MAP3K6: variants seen among roughly 807,000 people sequenced by gnomAD.
The protein encoded by MAP3K6 is apoptosis signal-regulating kinase 2.
In MAP3K6, 105 loss-of-function variants were observed where a neutral mutation model predicts 147.1. The observed-to-expected ratio is 0.71, with a 90% CI of 0.61 to 0.84. The LOEUF is 0.84. Ranked by LOEUF, MAP3K6 falls within the 40% of genes least tolerant of loss-of-function variation. The probability of loss-of-function intolerance (pLI) is 0.00; values close to 1 mark genes in which losing one functional copy is unlikely to be tolerated. For missense variants in MAP3K6, 1,569 were observed against 1,715.0 expected (o/e 0.91, Z 1.50); for synonymous variants, 695 against 732.4 (o/e 0.95, Z 0.82).
chr1:27,355,403 G>C lies in MAP3K6; in HGVS notation c.3855C>G (p.Thr1285=), dbSNP rs779767545. The change falls in exon 29 of 29, where the codon ACC becomes ACG. Residue 1285 remains threonine, a synonymous_variant. Coordinates refer to ENST00000357582, the MANE Select transcript of MAP3K6 (RefSeq NM_004672.5). ...LAQRAGSTPV[T]SGP ...CCTCATTCAGCTCTCAGGGTCCAGA[G>C]GTGACTGGTGTGGATCCTGCTCGCT... 1.9e-6 allele frequency: 3 copies of C among 1,614,098 alleles called. No individual in the cohort carries two copies. Among genetic ancestry groups the C allele is most frequent in the Non-Finnish European group, 2.5e-6 (3 of 1,179,958 alleles).
At position 27,361,863 on chromosome 1, in the gene MAP3K6, G is replaced by A; in HGVS notation, c.1420C>T (p.Leu474=). Residue 474 remains leucine, a synonymous_variant, in exon 10 of 29, where the codon CTG becomes TTG. Transcript: ENST00000357582. ...AGGAAGGTCTCCATCACGGACACCA[G>A]GTACCTGCATGCAAAGCCACATCCT... The part of the protein sequence containing the change: ...LYKLNAPIWY[L]VSVMETFLLY... The A allele has an allele frequency of 6.5e-7, 1 of 1,546,730 alleles. No homozygotes were observed. Among genetic ancestry groups the A allele is most frequent in the South Asian group, 1.2e-5 (1 of 81,736 alleles).
rs777359370 is a variant in MAP3K6, at chr1:27,364,664, GTTC to G, written c.498_500del (p.Lys166del). 1.9e-6 allele frequency: 3 copies of G among 1,614,134 alleles called. No homozygotes were observed. Among genetic ancestry groups the G allele is most frequent in the Non-Finnish European group, 2.5e-6 (3 of 1,180,006 alleles). ...GTGAGAGGTGGATTCTGCTCACCGA[GTTC>G]TTCTGGAAAACATCCTCCTGCAGGA... On this transcript the variant is annotated inframe_deletion, in exon 3 of 29. Transcript: ENST00000357582. This position sits in a 1 kb window ranked among gnomAD's most constrained non-coding sequence, Gnocchi z 4.4.
In MAP3K6 at chr1:27,366,368, T is replaced by C; in HGVS notation, c.230A>G (p.Glu77Gly). Reference protein sequence around the residue: ...AEPLPLRCLREACAQVPRPRP... With the variant: ...AEPLPLRCLRGACAQVPRPRP... ...CGGCCGGGGGACCTGCGCGCAAGCC[T>C]CGCGCAGGCAGCGCAGGGGCAGCGG... The change falls in exon 1 of 29, where the codon GAG (glutamate) becomes GGG (glycine). Residue 77 changes from glutamate (E) to glycine (G), a missense_variant. Transcript: ENST00000357582. This position sits in a 1 kb window ranked among gnomAD's most constrained non-coding sequence, Gnocchi z 5.5. 1 of 1,270,058 alleles carries C rather than the reference T, an allele frequency of 7.9e-7. No individual in the cohort carries two copies. Among genetic ancestry groups the C allele is most frequent in the Non-Finnish European group, 9.9e-7 (1 of 1,009,002 alleles). 78.7% of individuals were successfully genotyped at this position (1,270,058 alleles called of 1,614,324 possible).
At position 27,357,439 on chromosome 1, in the gene MAP3K6, A is replaced by T; in HGVS notation, c.3219T>A (p.Pro1073=). The T allele has an allele frequency of 6.2e-7, 1 of 1,612,470 alleles. No individual in the cohort carries two copies. The highest frequency in any genetic ancestry group is 8.5e-7 in the Non-Finnish European group (1 of 1,179,106). Residue 1073 remains proline, a synonymous_variant, in exon 23 of 29, where the codon CCT becomes CCA. Coordinates refer to ENST00000357582, the MANE Select transcript of MAP3K6 (RefSeq NM_004672.5). ...CAAACAGCGGTCTGTGCAGAAGCGC[A>T]GGCCCAAGGCCCTGGGCCCTCAGCC... The part of the protein sequence containing the change: ...QGRLRAQGLG[P]ALLHRPLFAF...
Position 27,364,922 on chromosome 1 carries a change from C to T in MAP3K6, c.341-10G>A, listed in dbSNP as rs202164328. Reference sequence around the variant, plus strand: ...TCCAGCACCACCACATCTGCAGGCACAGAGGGGGTGGCGCTGATCCCTGAA... The same window carrying T: ...TCCAGCACCACCACATCTGCAGGCATAGAGGGGGTGGCGCTGATCCCTGAA... On this transcript the variant is annotated splice_polypyrimidine_tract_variant and intron_variant, in intron 1 of 28. Coordinates refer to ENST00000357582, the MANE Select transcript of MAP3K6 (RefSeq NM_004672.5). The surrounding 1 kb of genome is among the most constrained non-coding windows in gnomAD (Gnocchi z 4.4). The T allele has an allele frequency of 1.9e-6, 3 of 1,576,008 alleles. No individual in the cohort carries two copies. The African/African-American group carries it at 4.0e-5, about 21-fold the overall frequency.
Position 27,359,242 on chromosome 1 carries a change from C to G in MAP3K6, c.2425+175G>C, listed in dbSNP as rs760409222. ...GCTAAAGTCAATTTCATCACTTCTC[C>G]AAGCTCCAGTTCCAGATGCCACCAC... On this transcript the variant is annotated intron_variant, in intron 18 of 28. Transcript: ENST00000357582. The surrounding 1 kb of genome is among the most constrained non-coding windows in gnomAD (Gnocchi z 4.4). Among the ~76,000 whole-genome samples, 1 of 152,176 alleles carries G rather than the reference C, an allele frequency of 6.6e-6. No individual in the cohort carries two copies. The highest frequency in any genetic ancestry group is 1.5e-5 in the Non-Finnish European group (1 of 68,030).
chr1:27,363,903 T>C lies in MAP3K6; in HGVS notation c.864+14A>G. Reference sequence around the variant, plus strand: ...AATGCCAGCTGCCCTACTGCCTCTCTGAACACCACGCACCTGCACATCGCG... The same window carrying C: ...AATGCCAGCTGCCCTACTGCCTCTCCGAACACCACGCACCTGCACATCGCG... On this transcript the variant is annotated intron_variant, in intron 5 of 28. Transcript: ENST00000357582. 6.4e-7 allele frequency: 1 copy of C among 1,562,550 alleles called. No individual in the cohort carries two copies. Among genetic ancestry groups the C allele is most frequent in the South Asian group, 1.1e-5 (1 of 87,068 alleles).
chr1:27,355,572 GTGCCCCTTT>G, intron 28 of MAP3K6, 88 bp downstream of exon 28: 1 of 1,577,424 alleles, frequency 6.3e-7, no homozygotes, highest in Non-Finnish European at 8.7e-7. Context: ...GGGGACCCAG[GTGCCCCTTT>G]GGTTTCCAGG....
rs1030541355 is a variant in MAP3K6 at position 27,360,822 on chromosome 1, G to C, written c.1937C>G (p.Thr646Arg). ...GEMLEFDYEYTETGERLVLGK... is the reference protein window; with the variant it reads ...GEMLEFDYEYRETGERLVLGK... ...CAGCACCAGCCGCTCGCCCGTCTCC[G>C]TGTACTCATAATCAAACTGCCGGGC... is the stretch of plus-strand genomic sequence containing the variant. Residue 646 changes from threonine (T) to arginine (R), a missense_variant, in exon 15 of 29, where the codon ACG becomes AGG. Coordinates refer to ENST00000357582, the MANE Select transcript of MAP3K6 (RefSeq NM_004672.5). The surrounding 1 kb of genome is among the most constrained non-coding windows in gnomAD (Gnocchi z 4.5). 7 of 1,612,852 alleles carry C rather than the reference G, an allele frequency of 4.3e-6. No homozygotes were observed. Among genetic ancestry groups the C allele is most frequent in the South Asian group, 2.2e-5 (2 of 91,086 alleles).
rs760512695 is a variant in MAP3K6, at chr1:27,362,137, C to T, written c.1369G>A (p.Val457Met). 1.2e-6 allele frequency: 2 copies of T among 1,613,714 alleles called. No homozygotes were observed. The highest frequency in any genetic ancestry group is 4.5e-5 in the East Asian group (2 of 44,880). The change falls in exon 9 of 29, where the codon GTG becomes ATG. Residue 457 changes from valine to methionine, a missense_variant. By Grantham distance (21) the Val-to-Met change is conservative (BLOSUM62 1). Transcript: ENST00000357582. ...TACAGCTGCTCTGCAGCCAGCACCA[C>T]CTGGGTGGGGTCATTGGCGAGGATC... The part of the protein sequence containing the change: ...AQILANDPTQ[V>M]VLAAEQLYKL...
At chr1:27,361,110 C>T (rs775222948) in intron 13 of MAP3K6, 47 bp downstream of exon 13, 3 of 1,554,106 alleles carry the variant, frequency 1.9e-6, no homozygotes, top group Non-Finnish European at 2.6e-6. Flanking sequence ...CACTCCCCCC[C>T]GGGCATCCTG....
At position 27,364,504 on chromosome 1, in the gene MAP3K6, G is replaced by A; in HGVS notation, c.505-110C>T. Reference sequence around the variant, plus strand: ...CAGTGGGAATTGGAATCGCAGGAAAGGGGCACCCGTCATGAGAGGAGGCAA... The same window carrying A: ...CAGTGGGAATTGGAATCGCAGGAAAAGGGCACCCGTCATGAGAGGAGGCAA... On this transcript the variant is annotated intron_variant, in intron 3 of 28. Coordinates refer to ENST00000357582, the MANE Select transcript of MAP3K6 (RefSeq NM_004672.5). This position sits in a 1 kb window ranked among gnomAD's most constrained non-coding sequence, Gnocchi z 4.4. The A allele has an allele frequency of 6.5e-7, 1 of 1,538,818 alleles. No homozygotes were observed. The highest frequency in any genetic ancestry group is 2.3e-5 in the East Asian group (1 of 44,356).
chr1:27,355,840 T>C, intron 27 of MAP3K6, 95 bp from the exon 28 acceptor site: 9 of 1,278,962 alleles, frequency 7.0e-6, no homozygotes, highest in Admixed American at 1.8e-5. Flanking sequence ...GTTGCCAAAA[T>C]AATGAGGCAG....
intron 24 of MAP3K6, 68 bp from the exon 25 acceptor site, chr1:27,356,817 G>A: frequency 6.6e-7 from 1 of 1,509,044 alleles, no homozygotes; most frequent in Non-Finnish European, 8.9e-7. Flanking sequence ...ACCCCAAAGT[G>A]CGGGGGTAGG....
At position 27,358,301 on chromosome 1, in the gene MAP3K6, G is replaced by A. The variant is rs770882640; in HGVS notation, c.2795C>T (p.Pro932Leu). The change falls in exon 21 of 29, where the codon CCC (proline) becomes CTC (leucine). Residue 932 changes from proline to leucine, a missense_variant. Transcript: ENST00000357582. This position sits in a 1 kb window ranked among gnomAD's most constrained non-coding sequence, Gnocchi z 6.2. ...PRPSDAPSAS[P>L]TPSANSTTQS... ...GGTGGTTGAGTTGGCTGAAGGAGTGGGACTGGCAGAAGGGGCATCTGAGGG... is the reference window on the plus strand; with the variant it reads ...GGTGGTTGAGTTGGCTGAAGGAGTGAGACTGGCAGAAGGGGCATCTGAGGG... 6.2e-7 allele frequency: 1 copy of A among 1,608,772 alleles called. No individual in the cohort carries two copies. The highest frequency in any genetic ancestry group is 1.7e-5 in the Admixed American group (1 of 57,796).
chr1:27,358,846 G>A lies in MAP3K6; in HGVS notation c.2446C>T (p.Pro816Ser). The change falls in exon 19 of 29, where the codon CCA becomes TCA. Residue 816 changes from proline to serine, a missense_variant. Pro to Ser is a moderately conservative substitution (Grantham distance 74, BLOSUM62 -1). Coordinates refer to ENST00000357582, the MANE Select transcript of MAP3K6 (RefSeq NM_004672.5). This position sits in a 1 kb window ranked among gnomAD's most constrained non-coding sequence, Gnocchi z 6.2. ...CGTGGGCCCTGGTCAATGATTTCTG[G>A]GGCCATATACTGCAGAGTTCCTAGG... ...TFTGTLQYMAPEIIDQGPRGY... is the reference protein window; with the variant it reads ...TFTGTLQYMASEIIDQGPRGY... The A allele has an allele frequency of 1.3e-6, 2 of 1,593,916 alleles. No homozygotes were observed. The highest frequency in any genetic ancestry group is 1.7e-6 in the Non-Finnish European group (2 of 1,169,744).
chr1:27,359,839 G>A lies in MAP3K6; in HGVS notation c.2319+19C>T. 6.2e-7 allele frequency: 1 copy of A among 1,613,916 alleles called. No individual in the cohort carries two copies. Among genetic ancestry groups the A allele is most frequent in the Non-Finnish European group, 8.5e-7 (1 of 1,179,886 alleles). On this transcript the variant is annotated intron_variant, in intron 17 of 28. Coordinates refer to ENST00000357582, the MANE Select transcript of MAP3K6 (RefSeq NM_004672.5). The surrounding 1 kb of genome is among the most constrained non-coding windows in gnomAD (Gnocchi z 4.4). ...CCGCCACCCTCAGCAGATGAGGGCGGGCCAGCCCCAGGGCTTACTTTTATG... is the reference window on the plus strand; with the variant it reads ...CCGCCACCCTCAGCAGATGAGGGCGAGCCAGCCCCAGGGCTTACTTTTATG...
Position 27,358,829 on chromosome 1 carries a change from C to T in MAP3K6, c.2463G>A (p.Gln821=). 4 of 1,604,016 alleles carry T rather than the reference C, an allele frequency of 2.5e-6. No individual in the cohort carries two copies. Among genetic ancestry groups the T allele is most frequent in the Non-Finnish European group, 3.4e-6 (4 of 1,174,792 alleles). The change falls in exon 19 of 29, where the codon CAG becomes CAA. Residue 821 remains glutamine (Q), a synonymous_variant. Coordinates refer to ENST00000357582, the MANE Select transcript of MAP3K6 (RefSeq NM_004672.5). The surrounding 1 kb of genome is among the most constrained non-coding windows in gnomAD (Gnocchi z 6.2). ...CTGCTTTCCCATACCCGCGTGGGCC[C>T]TGGTCAATGATTTCTGGGGCCATAT... ...LQYMAPEIID[Q]GPRGYGKAAD...
chr1:27,357,047 C>T lies in MAP3K6; in HGVS notation c.3326G>A (p.Ser1109Asn), dbSNP rs1557555171. Residue 1109 changes from serine (S) to asparagine (N), a missense_variant, in exon 24 of 29, where the codon AGC (serine) becomes AAC (asparagine). Transcript: ENST00000357582. The part of the protein sequence containing the change: ...HWMFVLDSLL[S>N]RAVRAALGVL... ...ACCCAGGGCTGCCCGCACAGCACGG[C>T]TGAGCAGTGAGTCCAGAACGAACAT... 1 of 1,614,094 alleles carries T rather than the reference C, an allele frequency of 6.2e-7. No individual in the cohort carries two copies. Among genetic ancestry groups the T allele is most frequent in the Non-Finnish European group, 8.5e-7 (1 of 1,180,030 alleles).
Sources: gnomAD v4.1 joint callset for allele counts (sites outside exome capture counted in the v4.1 genomes callset) on GRCh38, gnomAD v4.1.1 for gene constraint, Gnocchi (gnomAD v3.1) non-coding constraint, MANE v1.5 for transcripts, NCBI Gene and HGNC (gene_info 2026-07-23, HGNC 2026-07-21) for gene names.